GABRA3: variants seen among roughly 807,000 people sequenced by gnomAD.
GABRA3 encodes the protein gamma-aminobutyric acid receptor subunit alpha-3.
In GABRA3, 10 loss-of-function variants were observed where a neutral mutation model predicts 30.1. That is an observed-to-expected ratio of 0.33 (90% CI 0.20 to 0.56). The LOEUF is 0.56. Among genes scored for constraint, GABRA3 ranks in the 20% least tolerant of loss-of-function variants. GABRA3 has a pLI of 0.89. For synonymous variants in GABRA3, 151 were observed against 146.8 expected (o/e 1.03, Z -0.21); for missense variants, 233 against 392.0 (o/e 0.59, Z 3.42).
intron 9 of GABRA3, among the ~76,000 whole-genome samples, chrX:152,174,407 A>G (rs1411872667): frequency 3.6e-5 from 4 of 112,094 alleles, no homozygotes; most frequent in Non-Finnish European, 5.6e-5. Context: ...AGTCCCACCA[A>G]CAGTGTAAAA....
At chrX:152,377,153 G>C (rs947524321) in intron 1 of GABRA3, among the ~76,000 whole-genome samples, 6 of 110,957 alleles carry the variant, frequency 5.4e-5, no homozygotes. Context: ...AGAAACCTAG[G>C]GGCTGAACTA....
chrX:152,413,524 T>C (rs4828696), intron 1 of GABRA3, among the ~76,000 whole-genome samples: 51,733 of 110,386 alleles, frequency 0.47, 10,355 homozygotes, highest in Non-Finnish European at 0.64. Context: ...ACAATCAATT[T>C]AACCCACCAT....
chrX:152,221,451 T>C (rs1469397761), intron 6 of GABRA3, among the ~76,000 whole-genome samples: 5 of 112,144 alleles, frequency 4.5e-5, no homozygotes, highest in Admixed American at 9.5e-5. Flanking sequence ...AGATATCTGA[T>C]ATCAGATTAG....
chrX:152,357,562 C>G (rs751785692), intron 2 of GABRA3, among the ~76,000 whole-genome samples: 82 of 111,508 alleles, frequency 7.4e-4, no homozygotes, highest in African/African-American at 2.5e-3. Context: ...ATATTTTCTT[C>G]CATTCTGTAG....
At chrX:152,316,241 A>G (rs975950955) in intron 3 of GABRA3, among the ~76,000 whole-genome samples, 1 of 110,180 alleles carries the variant, frequency 9.1e-6, no homozygotes, top group Non-Finnish European at 1.9e-5. Flanking sequence ...TAGAACAGAA[A>G]AAGCAGAAGA....
intron 7 of GABRA3, among the ~76,000 whole-genome samples, chrX:152,207,133 G>C (rs1937557646): frequency 9.0e-6 from 1 of 111,686 alleles, no homozygotes; most frequent in Non-Finnish European, 1.9e-5. Context: ...AGGGAAAACA[G>C]GGGGCAGAGG....
At chrX:152,377,165 C>CA (rs967279982) in intron 1 of GABRA3, among the ~76,000 whole-genome samples, 15 of 111,094 alleles carry the variant, frequency 1.4e-4, no homozygotes, top group African/African-American at 4.9e-4. Flanking sequence ...GCTGAACTAG[C>CA]AAAAAATGTA....
chrX:152,185,115 G>T (rs1256219233), intron 9 of GABRA3, among the ~76,000 whole-genome samples: 2 of 111,595 alleles, frequency 1.8e-5, no homozygotes, highest in East Asian at 5.6e-4. Flanking sequence ...GAAGAAAAAA[G>T]AAACTAAGTT....
intron 3 of GABRA3, among the ~76,000 whole-genome samples, chrX:152,290,091 CAAT>C (rs1421406129): frequency 8.9e-6 from 1 of 111,886 alleles, no homozygotes; most frequent in Non-Finnish European, 1.9e-5. Flanking sequence ...AGGAATCCCA[CAAT>C]GTCTTTCACA....
At chrX:152,250,174 CATTTTAG>C (rs942091444) in intron 5 of GABRA3, among the ~76,000 whole-genome samples, 2 of 111,426 alleles carry the variant, frequency 1.8e-5, no homozygotes, top group African/African-American at 6.5e-5. Flanking sequence ...AACCCTATAT[CATTTTAG>C]ATGTGACTTC....
chrX:152,382,644 T>C lies in GABRA3; in HGVS notation c.-26-18048A>G, dbSNP rs184644879. ...CTCATGTTTTTTTCTAGTTGTTTTA[T>C]AGTTGTAGGTCTTATGTTTAAGTCT... On this transcript the variant is annotated intron_variant, in intron 1 of 9. Coordinates refer to ENST00000370314, the MANE Select transcript of GABRA3 (RefSeq NM_000808.4). Among the ~76,000 whole-genome samples, 269 of 112,245 alleles carry C rather than the reference T, an allele frequency of 2.4e-3. 1 individual carries two copies. Among genetic ancestry groups the C allele is most frequent in the Admixed American group, 0.02 (210 of 10,620 alleles).
rs200630597 is a variant in GABRA3 at position 152,256,002 on chromosome X, G to A, written c.331-4C>T. On this transcript the variant is annotated splice_region_variant and splice_polypyrimidine_tract_variant and intron_variant, in intron 4 of 9. Transcript: ENST00000370314. ...AAAATACATCAATAGTGTACTCCTAGGGGTGAAAAGAGAGAAAACAATGTT... is the reference window on the plus strand; with the variant it reads ...AAAATACATCAATAGTGTACTCCTAAGGGTGAAAAGAGAGAAAACAATGTT... 461 of 1,168,858 alleles carry A rather than the reference G, an allele frequency of 3.9e-4. No homozygotes were observed. Among genetic ancestry groups the A allele is most frequent in the Non-Finnish European group, 5.0e-4 (430 of 866,438 alleles).
intron 4 of GABRA3, among the ~76,000 whole-genome samples, chrX:152,283,093 C>T (rs774588568): frequency 9.0e-6 from 1 of 111,396 alleles, no homozygotes; most frequent in South Asian, 3.8e-4. Flanking sequence ...TAGTTGGGCT[C>T]GTAAGGAGTA....
chrX:152,349,430 G>A (rs1269303188), intron 2 of GABRA3, among the ~76,000 whole-genome samples: 1 of 108,116 alleles, frequency 9.2e-6, no homozygotes, highest in African/African-American at 3.4e-5. Flanking sequence ...ACATCATAAT[G>A]ACAGGATCAA....
At chrX:152,269,431 A>G (rs934083522) in intron 4 of GABRA3, among the ~76,000 whole-genome samples, 1 of 112,213 alleles carries the variant, frequency 8.9e-6, no homozygotes, top group African/African-American at 3.2e-5. Flanking sequence ...TTACAAATCA[A>G]TGCAATCCCT....
At chrX:152,445,533 G>T (rs2124555836) in intron 1 of GABRA3, among the ~76,000 whole-genome samples, 1 of 111,235 alleles carries the variant, frequency 9.0e-6, no homozygotes, top group African/African-American at 3.3e-5. Flanking sequence ...GCATTTCAAT[G>T]ACCCCTTCCA....
chrX:152,233,685 C>T (rs1289191450), intron 5 of GABRA3, among the ~76,000 whole-genome samples: 2 of 106,732 alleles, frequency 1.9e-5, no homozygotes, highest in African/African-American at 6.9e-5. Context: ...ACCCAGCCAT[C>T]CCATTACTGG....
chrX:152,178,893 C>T (rs1456581095), intron 9 of GABRA3, among the ~76,000 whole-genome samples: 3 of 111,677 alleles, frequency 2.7e-5, no homozygotes, highest in South Asian at 7.5e-4. Flanking sequence ...TACTTTTATA[C>T]AATATATTTA....
intron 1 of GABRA3, among the ~76,000 whole-genome samples, chrX:152,431,545 G>A (rs1649169981): frequency 8.9e-6 from 1 of 111,893 alleles, no homozygotes. Flanking sequence ...CCAAAGATGT[G>A]AATGTCCTAA....
Sources: allele counts gnomAD v4.1 joint callset (sites outside exome capture counted in the v4.1 genomes callset), GRCh38; gene constraint gnomAD v4.1.1; transcripts MANE v1.5; gene names NCBI Gene and HGNC (gene_info 2026-07-23, HGNC 2026-07-21).